ITGB3BP: variants seen among roughly 807,000 people sequenced by gnomAD.
ITGB3BP encodes the protein integrin subunit beta 3 binding protein.
Under a neutral mutation model 29.1 loss-of-function variants are expected in ITGB3BP, and 27 were observed. The ratio of observed to expected loss-of-function variants is 0.93; its 90% CI spans 0.68 to 1.28. The LOEUF (loss-of-function observed/expected upper bound fraction) is 1.28. ITGB3BP is among the 50% of genes most tolerant of loss of function. The pLI is 0.00. For missense variants in ITGB3BP, 192 were observed against 200.2 expected, an observed-to-expected ratio of 0.96 and a Z score of 0.25; for synonymous variants, 61 against 61.4, an observed-to-expected ratio of 0.99 and a Z score of 0.03.
At chr1:63,488,007 T>C (rs1247600939) in intron 3 of ITGB3BP, among the ~76,000 whole-genome samples, 2 of 152,172 alleles carry the variant, frequency 1.3e-5, no homozygotes, top group Admixed American at 6.6e-5. Context: ...TGAACGCATC[T>C]GTTAAATGTA....
intron 2 of ITGB3BP, among the ~76,000 whole-genome samples, chr1:63,501,664 A>G (rs535241836): frequency 1.7e-4 from 26 of 151,978 alleles, no homozygotes; most frequent in Non-Finnish European, 3.8e-4. Flanking sequence ...GGAGTTTGAG[A>G]CCAGCCTGGA....
chr1:63,524,558 GTTA>G (rs1390018970), upstream of ITGB3BP, among the ~76,000 whole-genome samples: 66 of 152,306 alleles, frequency 4.3e-4, no homozygotes, highest in African/African-American at 1.4e-3. Context: ...CCCTACCTGT[GTTA>G]TCTTATTATT....
chr1:63,452,101 C>G (rs1350176982), intron 7 of ITGB3BP: 2 of 151,916 alleles, frequency 1.3e-5, no homozygotes, highest in Admixed American at 1.3e-4. Context: ...GCTGATCATG[C>G]ATAAACACAC....
chr1:63,521,047 T>C (rs1646433227), intron 1 of ITGB3BP, among the ~76,000 whole-genome samples: 1 of 152,162 alleles, frequency 6.6e-6, no homozygotes, highest in Non-Finnish European at 1.5e-5. Flanking sequence ...AACTACTCAT[T>C]GTTGTATTGA....
upstream of ITGB3BP, among the ~76,000 whole-genome samples, chr1:63,527,306 C>T (rs1267982046): frequency 1.3e-5 from 2 of 152,100 alleles, no homozygotes; most frequent in Non-Finnish European, 2.9e-5. Flanking sequence ...GTTATATACA[C>T]TTTTGGTTTT....
At chr1:63,493,787 C>A (rs554381679) in intron 2 of ITGB3BP, among the ~76,000 whole-genome samples, 10 of 152,188 alleles carry the variant, frequency 6.6e-5, no homozygotes, top group Middle Eastern at 6.8e-3. Flanking sequence ...TTTTTTTAAA[C>A]CTATTATAAA....
intron 2 of ITGB3BP, among the ~76,000 whole-genome samples, chr1:63,495,797 C>A (rs1458404312): frequency 1.3e-5 from 2 of 152,112 alleles, no homozygotes; most frequent in African/African-American, 4.8e-5. Flanking sequence ...TCTAGGCAAC[C>A]CCTTTTCCTT....
upstream of ITGB3BP, among the ~76,000 whole-genome samples, chr1:63,524,861 C>T (rs1646555917): frequency 6.6e-6 from 1 of 152,160 alleles, no homozygotes. Flanking sequence ...TATGACAGTT[C>T]TTTAAGCTCT....
Position 63,456,206 on chromosome 1 carries a change from T to C in ITGB3BP, c.255-1238A>G, listed in dbSNP as rs567687515. 4.7e-4 allele frequency among the ~76,000 whole-genome samples: 71 copies of C among 152,320 alleles called. 1 individual carries two copies. Among genetic ancestry groups the C allele is most frequent in the African/African-American group, 1.6e-3 (67 of 41,582 alleles). Reference sequence around the variant, plus strand: ...AGACAAATATGTTAAAATTTTGATATACAATGTATATGTACAGTAAGTTTC... The same window carrying C: ...AGACAAATATGTTAAAATTTTGATACACAATGTATATGTACAGTAAGTTTC... On this transcript the variant is annotated intron_variant, in intron 4 of 8. Coordinates refer to ENST00000271002, the MANE Select transcript of ITGB3BP (RefSeq NM_014288.5).
chr1:63,509,195 T>G (rs558240682), intron 1 of ITGB3BP, among the ~76,000 whole-genome samples: 9 of 152,342 alleles, frequency 5.9e-5, no homozygotes, highest in African/African-American at 2.2e-4. Flanking sequence ...GTGTGCAAAA[T>G]CTGTTCTGCT....
upstream of ITGB3BP, among the ~76,000 whole-genome samples, chr1:63,526,168 G>A (rs1356761835): frequency 6.6e-6 from 1 of 152,208 alleles, no homozygotes; most frequent in Non-Finnish European, 1.5e-5. Flanking sequence ...AGTACTGAGA[G>A]ATAAGTGAAC....
intron 4 of ITGB3BP, among the ~76,000 whole-genome samples, chr1:63,459,280 T>C (rs1644979147): frequency 6.6e-6 from 1 of 152,160 alleles, no homozygotes; most frequent in East Asian, 1.9e-4. Context: ...TGCCTTAGTA[T>C]TCTAATACAG....
chr1:63,472,829 C>T (rs1390625268), intron 4 of ITGB3BP, among the ~76,000 whole-genome samples: 1 of 151,946 alleles, frequency 6.6e-6, no homozygotes, highest in African/African-American at 2.4e-5. Context: ...TCGCTACAAC[C>T]TCCACCTCCC....
At chr1:63,508,452 T>C (rs1341887626) in intron 2 of ITGB3BP, 76 bp downstream of exon 2, 1 of 675,052 alleles carries the variant, frequency 1.5e-6, no homozygotes, top group African/African-American at 1.9e-5. Flanking sequence ...AATTTTAATA[T>C]TTAACGAGAT....
At chr1:63,482,221 C>T (rs1469714186) in intron 3 of ITGB3BP, among the ~76,000 whole-genome samples, 4 of 120,942 alleles carry the variant, frequency 3.3e-5, no homozygotes, top group Non-Finnish European at 4.8e-5. Flanking sequence ...TGCAGTGAGC[C>T]GAGATCACGC....
intron 4 of ITGB3BP, among the ~76,000 whole-genome samples, chr1:63,470,174 C>T (rs1056918508): frequency 5.9e-5 from 9 of 152,136 alleles, no homozygotes; most frequent in African/African-American, 1.7e-4. Context: ...AATCTCTGTT[C>T]AGGGCTCTCA....
intron 4 of ITGB3BP, among the ~76,000 whole-genome samples, chr1:63,468,632 C>T (rs997994189): frequency 2.0e-5 from 3 of 151,394 alleles, no homozygotes; most frequent in East Asian, 1.9e-4. Context: ...GAGGCCGAGG[C>T]GGGCGGACCA....
chr1:63,488,257 T>C (rs1411041408), intron 3 of ITGB3BP, among the ~76,000 whole-genome samples: 1 of 151,986 alleles, frequency 6.6e-6, no homozygotes, highest in African/African-American at 2.4e-5. Flanking sequence ...GGGCTCAGCA[T>C]GACTGACAAA....
At chr1:63,509,185 G>A (rs1308349957) in intron 1 of ITGB3BP, among the ~76,000 whole-genome samples, 1 of 152,210 alleles carries the variant, frequency 6.6e-6, no homozygotes, top group African/African-American at 2.4e-5. Flanking sequence ...CAGGCTCTCT[G>A]TGTGCAAAAT....
Sources: gnomAD v4.1 joint callset for allele counts (sites outside exome capture counted in the v4.1 genomes callset) on GRCh38, gnomAD v4.1.1 for gene constraint, MANE v1.5 for transcripts, NCBI Gene and HGNC (gene_info 2026-07-23, HGNC 2026-07-21) for gene names.